Variants in ARL15 observed in about 807,000 individuals in gnomAD.
ARL15 encodes the protein ADP-ribosylation factor-like protein 15.
A neutral mutation model predicts 25.2 loss-of-function variants in ARL15; 19 were observed. That is an observed-to-expected ratio of 0.75 (90% CI 0.53 to 1.10). The LOEUF is 1.10. Among genes scored for constraint, ARL15 ranks in the 50% least tolerant of loss-of-function variants. ARL15 has a pLI of 0.00. For synonymous variants in ARL15, 94 were observed against 86.8 expected, an observed-to-expected ratio of 1.08 and a Z score of -0.46; for missense variants, 220 against 246.0, an observed-to-expected ratio of 0.89 and a Z score of 0.71.
chr5:54,241,698 A>G (rs1756962017), intron 1 of ARL15, among the ~76,000 whole-genome samples: 1 of 152,236 alleles, frequency 6.6e-6, no homozygotes, highest in East Asian at 1.9e-4. Context: ...GATTCCTTAT[A>G]TAATAGGCAT....
chr5:54,019,390 C>T (rs1033318506), intron 4 of ARL15, among the ~76,000 whole-genome samples: 14 of 152,176 alleles, frequency 9.2e-5, no homozygotes, highest in African/African-American at 7.2e-5. Flanking sequence ...ATTATTATTT[C>T]GGAAGCTTTA....
chr5:53,927,456 C>T (rs1746067764), intron 4 of ARL15, among the ~76,000 whole-genome samples: 1 of 152,170 alleles, frequency 6.6e-6, no homozygotes. Flanking sequence ...TCTGTTATTT[C>T]CTGCTTAAGC....
chr5:54,293,852 C>T (rs976758531), intron 1 of ARL15, among the ~76,000 whole-genome samples: 4 of 151,830 alleles, frequency 2.6e-5, no homozygotes, highest in East Asian at 3.9e-4. Flanking sequence ...TGTTTTGAGA[C>T]GAAGTCTCAC....
Position 54,113,426 on chromosome 5 carries a change from C to G in ARL15, c.254-16G>C, listed in dbSNP as rs565742799. ...TTATCAGCCCCTGTCAAAAACAAAA[C>G]AAATTTTCGTTTTAAAAAGAGCTTT... On this transcript the variant is annotated splice_polypyrimidine_tract_variant and intron_variant, in intron 3 of 4. Transcript: ENST00000504924. The G allele has an allele frequency of 8.3e-5, 133 of 1,603,742 alleles. No homozygotes were observed. The highest frequency in any genetic ancestry group is 5.5e-4 in the South Asian group (49 of 88,804).
intron 1 of ARL15, among the ~76,000 whole-genome samples, chr5:54,282,889 C>G (rs375940585): frequency 6.6e-6 from 1 of 152,154 alleles, no homozygotes; most frequent in Admixed American, 6.5e-5. Context: ...TTCTAACTCC[C>G]AAATCAAATT....
chr5:54,168,706 C>T (rs976220381), intron 2 of ARL15, among the ~76,000 whole-genome samples: 13 of 152,024 alleles, frequency 8.6e-5, no homozygotes, highest in African/African-American at 2.9e-4. Flanking sequence ...CTCTCCTCAC[C>T]CCATTCCTCT....
rs1749202279 is a variant in ARL15 at position 54,010,566 on chromosome 5, C to A, written c.462+102636G>T. Among the ~76,000 whole-genome samples, 3 of 152,066 alleles carry A rather than the reference C, an allele frequency of 2.0e-5. No homozygotes were observed. The South Asian group carries it at 6.2e-4, about 32-fold the overall frequency. The stretch of plus-strand genomic sequence containing the variant: ...AGACTTGGCTCTGAATAACCGCCAG[C>A]TAAATAAAAAATAATAATAACCTGC... On this transcript the variant is annotated intron_variant, in intron 4 of 4. Coordinates refer to ENST00000504924, the MANE Select transcript of ARL15 (RefSeq NM_019087.3).
chr5:53,896,565 C>T (rs1744881121), intron 4 of ARL15, among the ~76,000 whole-genome samples: 1 of 152,056 alleles, frequency 6.6e-6, no homozygotes, highest in African/African-American at 2.4e-5. Context: ...ATGATCTCGG[C>T]TCACTGCAAG....
chr5:53,945,291 A>G (rs1384345676), intron 4 of ARL15, among the ~76,000 whole-genome samples: 1 of 152,206 alleles, frequency 6.6e-6, no homozygotes, highest in East Asian at 1.9e-4. Flanking sequence ...GAACACGGAC[A>G]TGTTTGTCGT....
In ARL15 at chr5:54,278,827, G is replaced by A. The variant is rs77961835; in HGVS notation, c.48+31605C>T. On this transcript the variant is annotated intron_variant, in intron 1 of 4. Transcript: ENST00000504924. ...CCAAACCTCAGTGGGAAAGGTGGAC[G>A]GCATGCACTGGATACCCTTTGTTGT... Among the ~76,000 whole-genome samples the A allele has an allele frequency of 5.4e-4, 82 of 152,238 alleles. No homozygotes were observed. The East Asian group carries it at 0.012, about 23-fold the overall frequency.
intron 1 of ARL15, among the ~76,000 whole-genome samples, chr5:54,216,958 A>G (rs976166627): frequency 2.2e-4 from 33 of 152,254 alleles, no homozygotes; most frequent in Non-Finnish European, 4.4e-4. Context: ...AAACATTAAC[A>G]TTACATTTTA....
At chr5:54,283,737 G>C (rs1758118158) in intron 1 of ARL15, among the ~76,000 whole-genome samples, 1 of 152,174 alleles carries the variant, frequency 6.6e-6, no homozygotes, top group Admixed American at 6.5e-5. Flanking sequence ...AGCTGGAAAA[G>C]TTATCTTCCC....
chr5:54,028,707 G>T (rs1236013781), intron 4 of ARL15, among the ~76,000 whole-genome samples: 2 of 152,120 alleles, frequency 1.3e-5, no homozygotes, highest in African/African-American at 4.8e-5. Context: ...ACTAAGTGTA[G>T]TCAATCAGAA....
intron 4 of ARL15, among the ~76,000 whole-genome samples, chr5:53,974,283 G>A (rs1321414549): frequency 6.6e-6 from 1 of 152,174 alleles, no homozygotes; most frequent in African/African-American, 2.4e-5. Context: ...TAAGTGCCTG[G>A]GAGTGTCAAT....
At chr5:53,991,963 C>T (rs1392793070) in intron 4 of ARL15, among the ~76,000 whole-genome samples, 1 of 152,192 alleles carries the variant, frequency 6.6e-6, no homozygotes, top group Non-Finnish European at 1.5e-5. Context: ...ACCACAACTA[C>T]TCACTAAAGT....
intron 4 of ARL15, among the ~76,000 whole-genome samples, chr5:54,005,861 CA>C (rs139395100): frequency 2.5e-4 from 27 of 109,298 alleles, no homozygotes; most frequent in South Asian, 3.2e-4. Flanking sequence ...GACTCCATCT[CA>C]AAAAAAAAAA....
chr5:53,984,498 A>G (rs978997007), intron 4 of ARL15, among the ~76,000 whole-genome samples: 3 of 152,154 alleles, frequency 2.0e-5, no homozygotes, highest in Non-Finnish European at 4.4e-5. Flanking sequence ...GGTAATGAAA[A>G]AAACCTCTTT....
chr5:54,269,778 T>C (rs1757732652), intron 1 of ARL15, among the ~76,000 whole-genome samples: 1 of 152,190 alleles, frequency 6.6e-6, no homozygotes, highest in African/African-American at 2.4e-5. Context: ...CCTGATTAGC[T>C]GGGATTACAG....
At chr5:54,269,640 AT>A in intron 1 of ARL15, among the ~76,000 whole-genome samples, 2 of 152,204 alleles carry the variant, frequency 1.3e-5, no homozygotes. Flanking sequence ...GGATTTTTTA[AT>A]TTTTTTATTT....
Sources: gnomAD v4.1 joint callset for allele counts (sites outside exome capture counted in the v4.1 genomes callset) on GRCh38, gnomAD v4.1.1 for gene constraint, MANE v1.5 for transcripts, NCBI Gene and HGNC (gene_info 2026-07-23, HGNC 2026-07-21) for gene names.